Variants in ST6GALNAC2 observed in about 807,000 individuals in gnomAD.
ST6GALNAC2 encodes the protein alpha-N-acetylgalactosaminide alpha-2,6-sialyltransferase 2.
Under a neutral mutation model 38.7 loss-of-function variants are expected in ST6GALNAC2, and 42 were observed. The ratio of observed to expected loss-of-function variants is 1.09; its 90% CI spans 0.85 to 1.40. ST6GALNAC2 has a LOEUF of 1.40. Among genes scored for constraint, ST6GALNAC2 ranks in the 40% most tolerant of loss-of-function variants. The pLI is 0.00. For synonymous variants in ST6GALNAC2, 233 were observed against 209.0 expected, an observed-to-expected ratio of 1.11 and a Z score of -0.99; for missense variants, 506 against 481.7, an observed-to-expected ratio of 1.05 and a Z score of -0.47.
chr17:76,568,969 A>G, intron 6 of ST6GALNAC2, 173 bp from the exon 7 acceptor site: 7 of 560,638 alleles, frequency 1.2e-5, no homozygotes, highest in Non-Finnish European at 2.2e-5. Context: ...TACGTTGGGG[A>G]CCACGTGCGG....
chr17:76,584,022 TGAAAGCC>T (rs2075512978), intron 1 of ST6GALNAC2, among the ~76,000 whole-genome samples: 1 of 9,932 alleles, frequency 1.0e-4, no homozygotes, highest in Admixed American at 1.7e-3. Context: ...GTTAGCCAGG[TGAAAGCC>T]AGGTCAGGAG....
At chr17:76,581,511 G>A (rs4788931) in intron 1 of ST6GALNAC2, among the ~76,000 whole-genome samples, 114,384 of 152,052 alleles carry the variant, frequency 0.75, 43,348 homozygotes, top group East Asian at 0.84. Context: ...GGAGCTGCGG[G>A]ACAGGGCAGA....
rs946156977 is a variant in ST6GALNAC2, at chr17:76,582,982, T to A, written c.125+2702A>T. 2.6e-5 allele frequency among the ~76,000 whole-genome samples: 4 copies of A among 152,178 alleles called. No individual in the cohort carries two copies. The East Asian group carries it at 7.7e-4, about 29-fold the overall frequency. ...TTTGAAAAGAGGAAAGATCTTTTTT[T>A]TAAAAAAGCATTGTTGCATTATAAT... On this transcript the variant is annotated intron_variant, in intron 1 of 8. Transcript: ENST00000225276.
At chr17:76,567,368 G>A (rs1171012286) in intron 8 of ST6GALNAC2, 85 bp downstream of exon 8, 1 of 973,768 alleles carries the variant, frequency 1.0e-6, no homozygotes, top group Non-Finnish European at 1.6e-6. Context: ...TCCCAGCTCC[G>A]AGGTAAGGGA....
chr17:76,580,766 A>T (rs1379326095), intron 1 of ST6GALNAC2, among the ~76,000 whole-genome samples: 1 of 152,172 alleles, frequency 6.6e-6, no homozygotes, highest in East Asian at 1.9e-4. Context: ...AATAAAAGAA[A>T]AATGTGTTCT....
Position 76,570,627 on chromosome 17 carries a change from A to G in ST6GALNAC2, c.711T>C (p.Tyr237=), listed in dbSNP as rs1210243431. 1 of 1,613,262 alleles carries G rather than the reference A, an allele frequency of 6.2e-7. No homozygotes were observed. Among genetic ancestry groups the G allele is most frequent in the Non-Finnish European group, 8.5e-7 (1 of 1,179,788 alleles). ...YIFIPSDIRD[Y]VMLRSAILGV... Reference sequence around the variant, plus strand: ...CCAGAATGGCCGATCTCAGCATCACATAGTCGCGGATGTCTGAGGGGATGA... The same window carrying G: ...CCAGAATGGCCGATCTCAGCATCACGTAGTCGCGGATGTCTGAGGGGATGA... The change falls in exon 6 of 9, where the codon TAT becomes TAC. Residue 237 remains tyrosine, a synonymous_variant. Coordinates refer to ENST00000225276, the MANE Select transcript of ST6GALNAC2 (RefSeq NM_006456.3).
At chr17:76,566,385 G>T in intron 8 of ST6GALNAC2, 114 bp from the exon 9 acceptor site, 1 of 1,140,566 alleles carries the variant, frequency 8.8e-7, no homozygotes, top group African/African-American at 1.5e-5. Flanking sequence ...GAGGATAATG[G>T]TCTAGGGCTT....
intron 1 of ST6GALNAC2, among the ~76,000 whole-genome samples, chr17:76,585,114 T>C (rs541399817): frequency 2.6e-5 from 4 of 152,270 alleles, no homozygotes; most frequent in Admixed American, 2.0e-4. Flanking sequence ...CGCCCGCCTC[T>C]TCGCGGATCG....
Position 76,574,488 on chromosome 17 carries a change from A to G in ST6GALNAC2, c.238T>C (p.Phe80Leu), listed in dbSNP as rs1336516930. 4 of 1,565,312 alleles carry G rather than the reference A, an allele frequency of 2.6e-6. No homozygotes were observed. Among genetic ancestry groups the G allele is most frequent in the Non-Finnish European group, 3.5e-6 (4 of 1,149,750 alleles). ...ATGGAGAGATTGAACAGGCCACGGA[A>G]GTGGGGGTGCCGCTGAATGGCCAGG... ...LHLAIQRHPH[F>L]RGLFNLSIPV... Residue 80 changes from phenylalanine (F) to leucine (L), a missense_variant, in exon 3 of 9, where the codon TTC becomes CTC. By Grantham distance (22) the Phe-to-Leu change is conservative. Transcript: ENST00000225276.
intron 7 of ST6GALNAC2, chr17:76,567,822 G>A (rs2075303934): frequency 2.5e-6 from 1 of 393,302 alleles, no homozygotes; most frequent in Non-Finnish European, 4.8e-6. Flanking sequence ...ACTGCCAAGG[G>A]CATAGGTGGC....
At chr17:76,583,468 A>G (rs796431082) in intron 1 of ST6GALNAC2, among the ~76,000 whole-genome samples, 1 of 151,618 alleles carries the variant, frequency 6.6e-6, no homozygotes, top group South Asian at 2.1e-4. Context: ...GCCAAGATAG[A>G]CCCACTGTAC....
intron 7 of ST6GALNAC2, 93 bp downstream of exon 7, chr17:76,568,620 G>T: frequency 8.2e-7 from 1 of 1,217,548 alleles, no homozygotes; most frequent in Non-Finnish European, 1.2e-6. Context: ...CGGTCAGTGC[G>T]TGGGGCTCGT....
rs2075371667 is a variant in ST6GALNAC2 at position 76,573,099 on chromosome 17, G to C, written c.530+96C>G. The C allele has an allele frequency of 7.4e-7, 1 of 1,355,558 alleles. No individual in the cohort carries two copies. Among genetic ancestry groups the C allele is most frequent in the Non-Finnish European group, 1.0e-6 (1 of 998,176 alleles). The allele number at this position is 1,355,558 out of a possible 1,614,324, so 84.0% of individuals were successfully genotyped here. A position where few individuals can be genotyped will look rare whatever the true frequency, so the allele number is the denominator to read the frequency against. On this transcript the variant is annotated intron_variant, in intron 4 of 8. Transcript: ENST00000225276. The surrounding 1 kb of genome is among the most constrained non-coding windows in gnomAD (Gnocchi z 5.1). ...CTGGTCACAACTGCTGAGCCGCCCA[G>C]GCCACTGCTGCCATAGCCCACTGCC...
In ST6GALNAC2 at chr17:76,573,637, A is replaced by C. The variant is rs2075380002; in HGVS notation, c.362-274T>G. 6.6e-6 allele frequency among the ~76,000 whole-genome samples: 1 copy of C among 152,162 alleles called. No homozygotes were observed. On this transcript the variant is annotated intron_variant, in intron 3 of 8. Coordinates refer to ENST00000225276, the MANE Select transcript of ST6GALNAC2 (RefSeq NM_006456.3). The surrounding 1 kb of genome is among the most constrained non-coding windows in gnomAD (Gnocchi z 5.1). ...CTAGAGAAGTGAGCTCAGGGCTTAAAAAAGACTGGGCTGGGCACGGTGGCT... is the reference window on the plus strand; with the variant it reads ...CTAGAGAAGTGAGCTCAGGGCTTAACAAAGACTGGGCTGGGCACGGTGGCT...
chr17:76,583,932 C>T (rs1195020258), intron 1 of ST6GALNAC2, among the ~76,000 whole-genome samples: 3 of 147,834 alleles, frequency 2.0e-5, no homozygotes, highest in African/African-American at 5.0e-5. Flanking sequence ...CTCAGCCTCC[C>T]GAGTAGCTGG....
chr17:76,577,383 A>G (rs1033757822), intron 2 of ST6GALNAC2, among the ~76,000 whole-genome samples: 4 of 151,752 alleles, frequency 2.6e-5, no homozygotes, highest in African/African-American at 9.7e-5. Context: ...TTGTCTTCTT[A>G]TATGTGTCCA....
At position 76,565,664 on chromosome 17, in the gene ST6GALNAC2, T is replaced by G. The variant is rs1453084664; in HGVS notation, c.*440A>C. On this transcript the variant is annotated 3_prime_UTR_variant, in exon 9 of 9. Coordinates refer to ENST00000225276, the MANE Select transcript of ST6GALNAC2 (RefSeq NM_006456.3). ...CTCCCACTTTATTATGGAGCAGAAG[T>G]AAGCCTATCATGTTCTTAGAAAGGC... 1 of 157,100 alleles carries G rather than the reference T, an allele frequency of 6.4e-6. No homozygotes were observed. Among genetic ancestry groups the G allele is most frequent in the Non-Finnish European group, 1.4e-5 (1 of 71,238 alleles). 9.7% of individuals were successfully genotyped at this position (157,100 alleles called of 1,614,324 possible).
intron 7 of ST6GALNAC2, 143 bp from the exon 8 acceptor site, chr17:76,567,695 A>G (rs545204748): frequency 1.0e-5 from 6 of 595,214 alleles, no homozygotes; most frequent in East Asian, 5.7e-5. Context: ...CAAGTGGACT[A>G]AATACAAAGA....
intron 2 of ST6GALNAC2, among the ~76,000 whole-genome samples, chr17:76,578,274 G>T (rs1307528482): frequency 6.6e-6 from 1 of 152,138 alleles, no homozygotes; most frequent in Non-Finnish European, 1.5e-5. Flanking sequence ...TTGCTGCGAG[G>T]CTTCCGTGAG....
Sources: allele counts gnomAD v4.1 joint callset (sites outside exome capture counted in the v4.1 genomes callset), GRCh38; gene constraint gnomAD v4.1.1; non-coding constraint Gnocchi (gnomAD v3.1); transcripts MANE v1.5; gene names NCBI Gene and HGNC (gene_info 2026-07-23, HGNC 2026-07-21).